Variants in AFAP1 observed in about 807,000 individuals in gnomAD.
The protein encoded by AFAP1 is actin filament-associated protein 1.
In AFAP1, 75 loss-of-function variants were observed where a neutral mutation model predicts 93.9. The ratio of observed to expected loss-of-function variants is 0.80; its 90% CI spans 0.66 to 0.97. AFAP1 has a LOEUF of 0.97. Among genes scored for constraint, AFAP1 ranks in the 50% least tolerant of loss-of-function variants. The pLI, the probability that AFAP1 is intolerant of heterozygous loss-of-function variation, is 0.00. For missense variants in AFAP1, 1,201 were observed against 1,050.8 expected (o/e 1.14, Z -1.98); for synonymous variants, 517 against 430.7 (o/e 1.20, Z -2.48).
At chr4:7,782,347 T>C (rs1716860498) in intron 12 of AFAP1, among the ~76,000 whole-genome samples, 2 of 152,208 alleles carry the variant, frequency 1.3e-5, no homozygotes, top group Non-Finnish European at 2.9e-5. Context: ...GTGACCCAAG[T>C]CCTATGGGAA....
rs1317991123 is a variant in AFAP1 at position 7,759,112 on chromosome 4, CAATT to C, written c.*4649_*4652del. On this transcript the variant is annotated 3_prime_UTR_variant, in exon 18 of 18. Transcript: ENST00000420658. Reference sequence around the variant, plus strand: ...ACATTTTACAACGTATCACCATGGTCAATTAATTCTGAATATCACTTAAAAGTTG... The same window carrying C: ...ACATTTTACAACGTATCACCATGGTCAATTCTGAATATCACTTAAAAGTTG... 6.6e-6 allele frequency: 1 copy of C among 152,582 alleles called. No homozygotes were observed. Among genetic ancestry groups the C allele is most frequent in the Non-Finnish European group, 1.5e-5 (1 of 68,034 alleles). 9.5% of individuals were successfully genotyped at this position (152,582 alleles called of 1,614,324 possible).
At chr4:7,932,829 C>G (rs193260328) in intron 1 of AFAP1, among the ~76,000 whole-genome samples, 3,740 of 151,888 alleles carry the variant, frequency 0.025, 145 homozygotes, top group African/African-American at 0.084. Context: ...TGACCAGCCT[C>G]GCCAACACAG....
intron 1 of AFAP1, among the ~76,000 whole-genome samples, chr4:7,905,876 A>G (rs1314233463): frequency 1.3e-5 from 2 of 152,218 alleles, no homozygotes; most frequent in African/African-American, 4.8e-5. Flanking sequence ...AACAGCCTGC[A>G]GTGTGGAGGC....
intron 1 of AFAP1, among the ~76,000 whole-genome samples, chr4:7,904,754 T>C (rs1229024381): frequency 6.6e-6 from 1 of 152,182 alleles, no homozygotes; most frequent in Non-Finnish European, 1.5e-5. Flanking sequence ...CTGACCAGGC[T>C]GGAGTGCAGT....
At chr4:7,773,204 G>C in intron 15 of AFAP1, 194 bp from the exon 16 acceptor site, 1 of 871,726 alleles carries the variant, frequency 1.1e-6, no homozygotes, top group Non-Finnish European at 1.7e-6. Flanking sequence ...ATTTCCCTTT[G>C]CTGCAGCCGT....
intron 1 of AFAP1, among the ~76,000 whole-genome samples, chr4:7,923,142 CAATT>C (rs1325885116): frequency 6.6e-6 from 1 of 151,752 alleles, no homozygotes; most frequent in East Asian, 1.9e-4. Context: ...AGACAAGACT[CAATT>C]AAGACATAAG....
At position 7,793,779 on chromosome 4, in the gene AFAP1, T is replaced by C. The variant is rs762093029; in HGVS notation, c.1314A>G (p.Ala438=). ...DMGRWIGILL[A]ETGSSTDPEA... is the part of the protein sequence containing the mutation. Reference sequence around the variant, plus strand: ...CCGGGTCTGTGGACGATCCCGTCTCTGCGAGTAAAATCCCAATCCACCTGC... The same window carrying C: ...CCGGGTCTGTGGACGATCCCGTCTCCGCGAGTAAAATCCCAATCCACCTGC... The change falls in exon 11 of 18, where the codon GCA becomes GCG. Residue 438 remains alanine, a synonymous_variant. Transcript: ENST00000420658. The C allele has an allele frequency of 6.4e-7, 1 of 1,568,258 alleles. No individual in the cohort carries two copies. The highest frequency in any genetic ancestry group is 8.7e-7 in the Non-Finnish European group (1 of 1,144,512).
intron 17 of AFAP1, among the ~76,000 whole-genome samples, chr4:7,768,033 A>G (rs1376157798): frequency 1.3e-5 from 2 of 152,212 alleles, no homozygotes; most frequent in African/African-American, 4.8e-5. Flanking sequence ...CTGTGATGGC[A>G]CCACTATACT....
chr4:7,804,606 C>A (rs11735857), intron 9 of AFAP1, among the ~76,000 whole-genome samples: 1 of 152,122 alleles, frequency 6.6e-6, no homozygotes, highest in Admixed American at 6.5e-5. Flanking sequence ...GTCTCAGTGC[C>A]GGGTGGCTCT....
At chr4:7,788,661 A>G (rs1717541073) in intron 11 of AFAP1, 1 of 152,244 alleles carries the variant, frequency 6.6e-6, no homozygotes, top group East Asian at 1.9e-4. Context: ...TTGATTTTTA[A>G]AAAATACATA....
At chr4:7,803,975 C>T (rs1719274966) in intron 9 of AFAP1, among the ~76,000 whole-genome samples, 1 of 152,206 alleles carries the variant, frequency 6.6e-6, no homozygotes, top group Non-Finnish European at 1.5e-5. Flanking sequence ...GCCACCATTT[C>T]TCAAAATGGG....
At chr4:7,910,948 G>A (rs1266043704) in intron 1 of AFAP1, among the ~76,000 whole-genome samples, 4 of 152,184 alleles carry the variant, frequency 2.6e-5, no homozygotes, top group African/African-American at 7.2e-5. Flanking sequence ...CCAGAGCACC[G>A]AGGGGTGGAT....
At chr4:7,829,251 C>T (rs1721688577) in intron 6 of AFAP1, among the ~76,000 whole-genome samples, 6 of 152,188 alleles carry the variant, frequency 3.9e-5, no homozygotes. Flanking sequence ...TCTCTCCACA[C>T]AATACTGGCT....
chr4:7,771,986 C>T (rs1157852694), intron 16 of AFAP1, among the ~76,000 whole-genome samples: 1 of 152,160 alleles, frequency 6.6e-6, no homozygotes, highest in Non-Finnish European at 1.5e-5. Context: ...ATAAATGTGT[C>T]AATCTTCCCC....
chr4:7,889,196 A>C (rs1718298387), intron 1 of AFAP1, among the ~76,000 whole-genome samples: 1 of 152,206 alleles, frequency 6.6e-6, no homozygotes. Context: ...TTAACACTGG[A>C]AAATCATTAA....
Position 7,798,852 on chromosome 4 carries a change from C to G in AFAP1, c.1266+1590G>C, listed in dbSNP as rs115770376. On this transcript the variant is annotated intron_variant, in intron 10 of 17. Coordinates refer to ENST00000420658, the MANE Select transcript of AFAP1 (RefSeq NM_001134647.2). ...CACCCCCACCGCACCCCGAGCTTCT[C>G]TGTCTGGGCACTTGCCCAGCATCTC... 4,255 of 976,268 alleles carry G rather than the reference C, an allele frequency of 4.4e-3. 157 individuals carry two copies. The African/African-American group carries it at 0.068, about 16-fold the overall frequency. The allele number at this position is 976,268 out of a possible 1,614,324, so 60.5% of individuals were successfully genotyped here.
intron 1 of AFAP1, among the ~76,000 whole-genome samples, chr4:7,918,177 G>A (rs1258877621): frequency 1.4e-5 from 2 of 147,670 alleles, no homozygotes; most frequent in African/African-American, 2.4e-5. Context: ...CGGGCTGCCA[G>A]AAGAGACACT....
intron 6 of AFAP1, among the ~76,000 whole-genome samples, chr4:7,825,458 T>C (rs1396041158): frequency 6.6e-6 from 1 of 152,226 alleles, no homozygotes; most frequent in African/African-American, 2.4e-5. Context: ...AGACATCAAC[T>C]ATTTGGAAAG....
chr4:7,839,213 A>G (rs1712691471), intron 5 of AFAP1, among the ~76,000 whole-genome samples: 1 of 151,652 alleles, frequency 6.6e-6, no homozygotes, highest in Non-Finnish European at 1.5e-5. Context: ...GCGTGTTCCT[A>G]TAGTCCCAGC....
Sources: allele counts gnomAD v4.1 joint callset (sites outside exome capture counted in the v4.1 genomes callset), GRCh38; gene constraint gnomAD v4.1.1; transcripts MANE v1.5; gene names NCBI Gene and HGNC (gene_info 2026-07-23, HGNC 2026-07-21).